SMIM31: variants seen among roughly 807,000 people sequenced by gnomAD.
The protein encoded by SMIM31 is small integral membrane protein 31.
intron 2 of SMIM31, among the ~76,000 whole-genome samples, chr4:164,773,373 A>T (rs1732837845): frequency 6.6e-6 from 1 of 152,210 alleles, no homozygotes; most frequent in Admixed American, 6.5e-5. Context: ...CATACCCAAA[A>T]CTGGGTAATT....
intron 2 of SMIM31, among the ~76,000 whole-genome samples, chr4:164,782,372 C>CTTTTTTTTTTT (rs1359094792): frequency 7.4e-6 from 1 of 135,876 alleles, no homozygotes; most frequent in African/African-American, 3.4e-5. Flanking sequence ...TTATCTCTTT[C>CTTTTTTTTTTT]TTTTATTTTT....
At chr4:164,760,629 A>G (rs1732633861) in intron 1 of SMIM31, among the ~76,000 whole-genome samples, 1 of 150,186 alleles carries the variant, frequency 6.7e-6, no homozygotes, top group African/African-American at 2.4e-5. Context: ...AATCCTAGCT[A>G]TTCAGGAGGC....
intron 2 of SMIM31, among the ~76,000 whole-genome samples, chr4:164,796,106 G>A (rs1733191871): frequency 6.6e-6 from 1 of 152,120 alleles, no homozygotes; most frequent in Admixed American, 6.6e-5. Flanking sequence ...AAATATAAGC[G>A]AACTTGAATC....
chr4:164,767,064 G>A (rs1330210560), intron 1 of SMIM31, among the ~76,000 whole-genome samples: 1 of 152,178 alleles, frequency 6.6e-6, no homozygotes, highest in Non-Finnish European at 1.5e-5. Flanking sequence ...CATCAGACGG[G>A]ATGTGGGGTA....
chr4:164,772,610 G>A (rs1490373619), intron 2 of SMIM31, among the ~76,000 whole-genome samples: 4 of 146,456 alleles, frequency 2.7e-5, no homozygotes, highest in South Asian at 4.3e-4. Context: ...ACGGAGTCTC[G>A]CTCTGTCGCC....
chr4:164,796,027 G>A (rs774244032), intron 2 of SMIM31, among the ~76,000 whole-genome samples: 3 of 152,164 alleles, frequency 2.0e-5, no homozygotes, highest in Non-Finnish European at 4.4e-5. Flanking sequence ...TAAATTTACA[G>A]AAGTATCCAG....
At chr4:164,757,636 T>A (rs1041602903) in intron 1 of SMIM31, among the ~76,000 whole-genome samples, 1 of 152,040 alleles carries the variant, frequency 6.6e-6, no homozygotes, top group Non-Finnish European at 1.5e-5. Context: ...TTTTTTCCTA[T>A]AAATGTCTCA....
chr4:164,760,568 T>TA (rs557714327), intron 1 of SMIM31, among the ~76,000 whole-genome samples: 50,651 of 141,256 alleles, frequency 0.36, 10,666 homozygotes, highest in Non-Finnish European at 0.48. Flanking sequence ...CCAACTCTAC[T>TA]AAAAAAAAAA....
At chr4:164,782,060 GCGGGTGGATCACCTGAGGT>G (rs1230670349) in intron 2 of SMIM31, among the ~76,000 whole-genome samples, 3 of 152,230 alleles carry the variant, frequency 2.0e-5, no homozygotes, top group Admixed American at 2.0e-4. Flanking sequence ...GGAGGTTGAG[GCGGGTGGATCACCTGAGGT>G]CGGGAGTTCG....
intron 1 of SMIM31, among the ~76,000 whole-genome samples, chr4:164,755,694 G>A (rs1732552441): frequency 6.6e-6 from 1 of 151,688 alleles, no homozygotes; most frequent in African/African-American, 2.4e-5. Context: ...TGATGTTATT[G>A]ATTTGCCTTT....
At chr4:164,782,626 A>G (rs1399669467) in intron 2 of SMIM31, among the ~76,000 whole-genome samples, 1 of 132,366 alleles carries the variant, frequency 7.6e-6, no homozygotes, top group Non-Finnish European at 1.5e-5. Flanking sequence ...CGGCCCCAAC[A>G]CTACTTTGTC....
intron 2 of SMIM31, among the ~76,000 whole-genome samples, chr4:164,796,389 C>A (rs534421466): frequency 1.3e-5 from 2 of 152,138 alleles, no homozygotes; most frequent in African/African-American, 4.8e-5. Context: ...TGTGTGCCTC[C>A]TTTGCAGGTT....
At chr4:164,772,700 TC>T (rs1286512394) in intron 2 of SMIM31, among the ~76,000 whole-genome samples, 1 of 151,520 alleles carries the variant, frequency 6.6e-6, no homozygotes, top group Non-Finnish European at 1.5e-5. Flanking sequence ...TGCCTCAGCC[TC>T]CCGTGTAGCT....
At chr4:164,755,506 A>G (rs1427319149) in intron 1 of SMIM31, among the ~76,000 whole-genome samples, 4 of 100,580 alleles carry the variant, frequency 4.0e-5, no homozygotes, top group African/African-American at 1.6e-4. Context: ...AGAGGAAAGG[A>G]GGGGGGAGGA....
intron 2 of SMIM31, among the ~76,000 whole-genome samples, chr4:164,786,860 G>A (rs192995529): frequency 2.0e-5 from 3 of 152,306 alleles, no homozygotes; most frequent in Admixed American, 6.5e-5. Context: ...AAATGGGTAG[G>A]TATAGGATGC....
intron 2 of SMIM31, among the ~76,000 whole-genome samples, chr4:164,785,153 G>T (rs548337506): frequency 6.6e-6 from 1 of 152,000 alleles, no homozygotes; most frequent in South Asian, 2.1e-4. Flanking sequence ...TTGAACCCAG[G>T]AGGCGGAGGT....
intron 2 of SMIM31, among the ~76,000 whole-genome samples, chr4:164,793,275 T>C (rs1326646292): frequency 1.3e-5 from 2 of 152,154 alleles, no homozygotes; most frequent in African/African-American, 4.8e-5. Context: ...ACTATCTGGG[T>C]GACGGAATCA....
chr4:164,780,218 G>A (rs1732929625), intron 2 of SMIM31, among the ~76,000 whole-genome samples: 1 of 152,190 alleles, frequency 6.6e-6, no homozygotes, highest in African/African-American at 2.4e-5. Flanking sequence ...ACAAGGTCAG[G>A]AGATCAAGAC....
chr4:164,763,073 CACA>C (rs1411756937), intron 1 of SMIM31, among the ~76,000 whole-genome samples: 8 of 152,206 alleles, frequency 5.3e-5, no homozygotes, highest in Admixed American at 4.6e-4. Context: ...GAAAGTTATT[CACA>C]ACATTATATA....
Sources: gnomAD v4.1 joint callset for allele counts (sites outside exome capture counted in the v4.1 genomes callset) on GRCh38, gnomAD v4.1.1 for gene constraint, MANE v1.5 for transcripts, NCBI Gene and HGNC (gene_info 2026-07-23, HGNC 2026-07-21) for gene names.